The following KIAA1217 variants were observed in gnomAD, a reference collection of about 807,000 sequenced individuals.
KIAA1217 encodes the protein sickle tail protein homolog.
In KIAA1217, 88 loss-of-function variants were observed where a neutral mutation model predicts 163.9. The ratio of observed to expected loss-of-function variants is 0.54; its 90% CI spans 0.45 to 0.64. KIAA1217 has a LOEUF of 0.64. Among genes scored for constraint, KIAA1217 ranks in the 30% least tolerant of loss-of-function variants. The probability of loss-of-function intolerance (pLI) is 0.00; values close to 1 mark genes in which losing one functional copy is unlikely to be tolerated. For synonymous variants in KIAA1217, 903 were observed against 923.1 expected, an observed-to-expected ratio of 0.98 and a Z score of 0.39; for missense variants, 2,372 against 2,475.0, an observed-to-expected ratio of 0.96 and a Z score of 0.88.
At chr10:23,724,517 G>T (rs1204916887) in intron 1 of KIAA1217, among the ~76,000 whole-genome samples, 1 of 151,884 alleles carries the variant, frequency 6.6e-6, no homozygotes, top group African/African-American at 2.4e-5. Context: ...TATTATCCAA[G>T]GTATTTTTAC....
chr10:23,914,463 C>T (rs911431778), intron 1 of KIAA1217, among the ~76,000 whole-genome samples: 1 of 152,098 alleles, frequency 6.6e-6, no homozygotes, highest in African/African-American at 2.4e-5. Flanking sequence ...TACAGGTGCA[C>T]ATCACTGCAC....
chr10:23,887,315 G>C (rs1440121752), intron 1 of KIAA1217, among the ~76,000 whole-genome samples: 1 of 151,868 alleles, frequency 6.6e-6, no homozygotes, highest in Non-Finnish European at 1.5e-5. Flanking sequence ...TCAATGCTGG[G>C]ACACAGTGGG....
At chr10:23,729,571 A>G (rs6482329) in intron 1 of KIAA1217, among the ~76,000 whole-genome samples, 33,243 of 152,032 alleles carry the variant, frequency 0.22, 3,884 homozygotes, top group African/African-American at 0.29. Context: ...TTCTTTTCAT[A>G]TATCTATATT....
intron 1 of KIAA1217, among the ~76,000 whole-genome samples, chr10:23,812,724 C>G (rs982302409): frequency 6.6e-6 from 1 of 152,138 alleles, no homozygotes; most frequent in African/African-American, 2.4e-5. Flanking sequence ...ACTAGTTTAC[C>G]ATTCACTTAT....
intron 5 of KIAA1217, among the ~76,000 whole-genome samples, chr10:24,456,138 G>A (rs1054949253): frequency 3.3e-5 from 5 of 152,014 alleles, no homozygotes; most frequent in South Asian, 2.1e-4. Context: ...CACCAGCCTC[G>A]GCCTCCCAAA....
At chr10:24,256,855 A>C (rs1307804908) in intron 2 of KIAA1217, among the ~76,000 whole-genome samples, 1 of 152,206 alleles carries the variant, frequency 6.6e-6, no homozygotes, top group Non-Finnish European at 1.5e-5. Flanking sequence ...AAGATATGGA[A>C]TATCTGGTCA....
intron 1 of KIAA1217, among the ~76,000 whole-genome samples, chr10:23,912,969 C>T (rs761572264): frequency 7.2e-5 from 11 of 152,300 alleles, no homozygotes; most frequent in Admixed American, 3.9e-4. Flanking sequence ...CTGTCACTGA[C>T]GTTTTTCTCA....
At chr10:24,378,076 T>A (rs2052760428) in intron 2 of KIAA1217, among the ~76,000 whole-genome samples, 2 of 152,184 alleles carry the variant, frequency 1.3e-5, no homozygotes, top group African/African-American at 4.8e-5. Flanking sequence ...CGCTTTATTT[T>A]TTTTCTCTGC....
intron 2 of KIAA1217, among the ~76,000 whole-genome samples, chr10:24,093,764 AG>A (rs2062032702): frequency 6.7e-6 from 1 of 149,414 alleles, no homozygotes; most frequent in Non-Finnish European, 1.5e-5. Flanking sequence ...CTCGTCATTT[AG>A]CATTAGGTAT....
intron 5 of KIAA1217, among the ~76,000 whole-genome samples, chr10:24,470,654 A>G (rs1383843642): frequency 1.3e-5 from 2 of 152,048 alleles, no homozygotes; most frequent in African/African-American, 4.8e-5. Flanking sequence ...TAAAATTGTA[A>G]TTGTGAGGGA....
At chr10:24,341,810 G>T (rs2047138843) in intron 2 of KIAA1217, among the ~76,000 whole-genome samples, 1 of 151,984 alleles carries the variant, frequency 6.6e-6, no homozygotes, top group Non-Finnish European at 1.5e-5. Flanking sequence ...CTTAAATGTA[G>T]GAGTTGAAGT....
At chr10:24,363,573 T>TG (rs200465428) in intron 2 of KIAA1217, among the ~76,000 whole-genome samples, 3,055 of 151,224 alleles carry the variant, frequency 0.02, 77 homozygotes, top group East Asian at 0.095. Context: ...TTTTGTTTTT[T>TG]TTTTTTTTTG....
intron 1 of KIAA1217, among the ~76,000 whole-genome samples, chr10:23,707,897 T>C (rs556831261): frequency 6.6e-6 from 1 of 152,062 alleles, no homozygotes; most frequent in Admixed American, 6.6e-5. Context: ...AAGAGAGAAA[T>C]GGAATTGAAT....
intron 3 of KIAA1217, among the ~76,000 whole-genome samples, chr10:24,422,893 A>G (rs1564651114): frequency 7.3e-6 from 1 of 136,180 alleles, no homozygotes; most frequent in Non-Finnish European, 1.6e-5. Flanking sequence ...TACTTCCTAT[A>G]GATTTAACTT....
chr10:23,874,600 C>T (rs1334056101), intron 1 of KIAA1217, among the ~76,000 whole-genome samples: 2 of 151,978 alleles, frequency 1.3e-5, no homozygotes, highest in African/African-American at 2.4e-5. Context: ...TAGAACAATG[C>T]TATAATCATA....
At chr10:24,400,027 A>G (rs1041001609) in intron 3 of KIAA1217, among the ~76,000 whole-genome samples, 10 of 152,226 alleles carry the variant, frequency 6.6e-5, no homozygotes, top group African/African-American at 2.4e-4. Flanking sequence ...AGCAACAGGA[A>G]AATGAACAGA....
chr10:24,461,317 T>C (rs1267957920), intron 5 of KIAA1217, among the ~76,000 whole-genome samples: 1 of 152,138 alleles, frequency 6.6e-6, no homozygotes, highest in East Asian at 1.9e-4. Context: ...TTGTAGAGCA[T>C]AACATTCTTT....
At chr10:23,997,453 G>A (rs1589211644) in intron 1 of KIAA1217, among the ~76,000 whole-genome samples, 3 of 152,236 alleles carry the variant, frequency 2.0e-5, no homozygotes, top group South Asian at 4.1e-4. Context: ...AATATATATT[G>A]TGGAAACTGC....
At chr10:24,219,261 G>A (rs2069250471) in intron 1 of KIAA1217, among the ~76,000 whole-genome samples, 1 of 151,996 alleles carries the variant, frequency 6.6e-6, no homozygotes, top group Non-Finnish European at 1.5e-5. Flanking sequence ...CCACAGGCGT[G>A]CACCACTACG....
Sources: gnomAD v4.1 joint callset for allele counts (sites outside exome capture counted in the v4.1 genomes callset) on GRCh38, gnomAD v4.1.1 for gene constraint, MANE v1.5 for transcripts, NCBI Gene and HGNC (gene_info 2026-07-23, HGNC 2026-07-21) for gene names.